The following UBIAD1 variants were observed in gnomAD, a reference collection of about 807,000 sequenced individuals.
UBIAD1 encodes UbiA prenyltransferase domain containing 1, also known as ubiA prenyltransferase domain-containing protein 1.
Under a neutral mutation model 20.1 loss-of-function variants are expected in UBIAD1, and 12 were observed. The observed-to-expected ratio is 0.60, with a 90% CI of 0.38 to 0.97. The LOEUF is 0.97. Ranked by LOEUF, UBIAD1 falls within the 50% of genes least tolerant of loss-of-function variation. UBIAD1 has a pLI of 0.00. For missense variants in UBIAD1, 333 were observed against 419.5 expected (o/e 0.79, Z 1.80); for synonymous variants, 207 against 189.2 (o/e 1.09, Z -0.77).
At chr1:11,295,037 A>G in exon 2 of UBIAD1, 1 of 693,214 alleles carries the variant, frequency 1.4e-6, no homozygotes, top group Non-Finnish European at 2.7e-6. Context: ...GGTGGGCAGC[A>G]TCTGGAGCTG....
downstream of UBIAD1, among the ~76,000 whole-genome samples, chr1:11,297,928 GTTACTA>G (rs943504868): frequency 2.3e-4 from 35 of 151,890 alleles, no homozygotes; most frequent in African/African-American, 7.5e-4. Context: ...TACCAGAGTT[GTTACTA>G]TTACTTTTAC....
chr1:11,273,849 C>T lies in UBIAD1; in HGVS notation c.318C>T (p.Asp106=), dbSNP rs889579693. The T allele has an allele frequency of 6.2e-7, 1 of 1,614,192 alleles. No individual in the cohort carries two copies. Among genetic ancestry groups the T allele is most frequent in the Non-Finnish European group, 8.5e-7 (1 of 1,180,034 alleles). The change falls in exon 1 of 2, where the codon GAC becomes GAT. Residue 106 remains aspartate, a synonymous_variant. Transcript: ENST00000376810. This position sits in a 1 kb window ranked among gnomAD's most constrained non-coding sequence, Gnocchi z 4.9. Reference sequence around the variant, plus strand: ...GTAATTTGGTCAACACTTACTATGACTTTTCCAAGGGCATTGACCACAAAA... The same window carrying T: ...GTAATTTGGTCAACACTTACTATGATTTTTCCAAGGGCATTGACCACAAAA... ...GAGNLVNTYY[D]FSKGIDHKKS... is the part of the protein sequence containing the mutation.
At chr1:11,282,444 C>T (rs2101020455) in intron 1 of UBIAD1, among the ~76,000 whole-genome samples, 1 of 152,236 alleles carries the variant, frequency 6.6e-6, no homozygotes, top group Non-Finnish European at 1.5e-5. Flanking sequence ...GCTTTCTCCC[C>T]AAGGGCTCTA....
downstream of UBIAD1, chr1:11,295,796 C>G (rs1378923193): frequency 2.0e-5 from 3 of 152,310 alleles, no homozygotes; most frequent in Non-Finnish European, 4.4e-5. Context: ...AGAGCCTGCT[C>G]TGTCCCAGGA....
intron 1 of UBIAD1, among the ~76,000 whole-genome samples, chr1:11,294,066 G>T (rs1218134944): frequency 1.3e-5 from 2 of 152,206 alleles, no homozygotes; most frequent in Non-Finnish European, 2.9e-5. Flanking sequence ...ACTGGCCGAG[G>T]GAATGGCAGT....
intron 1 of UBIAD1, chr1:11,278,791 A>C (rs1652146187): frequency 4.0e-6 from 2 of 495,648 alleles, no homozygotes; most frequent in South Asian, 7.9e-5. Flanking sequence ...CATTCATATT[A>C]ATTCTTGTTA....
downstream of UBIAD1, chr1:11,295,183 G>C: frequency 2.2e-6 from 1 of 450,958 alleles, no homozygotes; most frequent in Non-Finnish European, 4.0e-6. Context: ...AGATGGGGCT[G>C]CTGGGTATCA....
At chr1:11,294,233 G>A (rs1399352925) in intron 1 of UBIAD1, among the ~76,000 whole-genome samples, 3 of 152,184 alleles carry the variant, frequency 2.0e-5, no homozygotes, top group African/African-American at 4.8e-5. Context: ...TATTAAACTT[G>A]TCTAGGGTCA....
At chr1:11,289,766 T>C (rs1638334811), downstream of UBIAD1, among the ~76,000 whole-genome samples, 1 of 152,100 alleles carries the variant, frequency 6.6e-6, no homozygotes, top group South Asian at 2.1e-4. Context: ...TATCTCACTC[T>C]GTCGCACGGG....
At chr1:11,290,471 G>A (rs1027363674), downstream of UBIAD1, among the ~76,000 whole-genome samples, 2 of 152,104 alleles carry the variant, frequency 1.3e-5, no homozygotes, top group African/African-American at 4.8e-5. Context: ...TCACATTTCT[G>A]CCCAGTCTTG....
At chr1:11,291,651 A>G (rs886715346), downstream of UBIAD1, among the ~76,000 whole-genome samples, 11 of 152,012 alleles carry the variant, frequency 7.2e-5, no homozygotes, top group Admixed American at 3.9e-4. Context: ...TGAAAAGACA[A>G]TTACAGGAGC....
At chr1:11,284,855 T>G (rs1638225583) in intron 1 of UBIAD1, among the ~76,000 whole-genome samples, 1 of 152,074 alleles carries the variant, frequency 6.6e-6, no homozygotes, top group African/African-American at 2.4e-5. Flanking sequence ...GAGGGGAAGC[T>G]GATAGACCAG....
chr1:11,285,504 A>T lies in UBIAD1; in HGVS notation c.530-140A>T. The T allele has an allele frequency of 7.8e-7, 1 of 1,290,254 alleles. No individual in the cohort carries two copies. Among genetic ancestry groups the T allele is most frequent in the Admixed American group, 1.9e-5 (1 of 51,956 alleles). The allele number at this position is 1,290,254 out of a possible 1,614,324, so 79.9% of individuals were successfully genotyped here. ...AAATCAGAATTTGCTCTGTGGGGTT[A>T]AGGGATGAAATGAGTGCCCACCTGC... On this transcript the variant is annotated intron_variant, in intron 1 of 1. Coordinates refer to ENST00000376810, the MANE Select transcript of UBIAD1 (RefSeq NM_013319.3). The surrounding 1 kb of genome is among the most constrained non-coding windows in gnomAD (Gnocchi z 4.4).
At position 11,288,252 on chromosome 1, in the gene UBIAD1, T is replaced by A. The variant is rs1373958164; in HGVS notation, c.*2121T>A. 6.6e-6 allele frequency: 1 copy of A among 152,244 alleles called. No homozygotes were observed. The highest frequency in any genetic ancestry group is 1.5e-5 in the Non-Finnish European group (1 of 68,058). The allele number at this position is 152,244 out of a possible 1,614,324, so 9.4% of individuals were successfully genotyped here. On this transcript the variant is annotated 3_prime_UTR_variant, in exon 2 of 2. Transcript: ENST00000376810. ...CCTTGGTGGTCACTCCCATCGGGGC[T>A]ATCAGTTCTGCACTGTGCCCTGGTG...
intron 1 of UBIAD1, among the ~76,000 whole-genome samples, chr1:11,283,703 G>A (rs1652319127): frequency 6.6e-6 from 1 of 152,060 alleles, no homozygotes; most frequent in South Asian, 2.1e-4. Context: ...GGTGAACTTG[G>A]ACTGGATCTT....
downstream of UBIAD1, among the ~76,000 whole-genome samples, chr1:11,299,502 G>T (rs1407183895): frequency 1.3e-5 from 2 of 152,176 alleles, no homozygotes; most frequent in African/African-American, 4.8e-5. Context: ...TTTTGAAGGG[G>T]GGAGCAAAGC....
In UBIAD1 at chr1:11,273,959, G is replaced by T; in HGVS notation, c.428G>T (p.Cys143Phe). The T allele has an allele frequency of 1.2e-6, 2 of 1,614,218 alleles. No homozygotes were observed. The highest frequency in any genetic ancestry group is 1.7e-6 in the Non-Finnish European group (2 of 1,180,044). Residue 143 changes from cysteine (C) to phenylalanine (F), a missense_variant, in exon 1 of 2, where the codon TGC becomes TTC. Around this residue, in one of 3 missense-constraint regions of UBIAD1, gnomAD observed 226 missense variants for 263.5 expected, o/e 0.86. Coordinates refer to ENST00000376810, the MANE Select transcript of UBIAD1 (RefSeq NM_013319.3). The surrounding 1 kb of genome is among the most constrained non-coding windows in gnomAD (Gnocchi z 4.9). ...GGAGTCTTCCTCTACACGTTGGGCTGCGTCTGTGCCGCTTGCCTCTACTAC... is the reference window on the plus strand; with the variant it reads ...GGAGTCTTCCTCTACACGTTGGGCTTCGTCTGTGCCGCTTGCCTCTACTAC... ...RFGVFLYTLG[C>F]VCAACLYYLS...
At chr1:11,296,624 A>G (rs1349516023), downstream of UBIAD1, among the ~76,000 whole-genome samples, 2 of 152,006 alleles carry the variant, frequency 1.3e-5, no homozygotes, top group Non-Finnish European at 2.9e-5. Context: ...GGCTCAGGTG[A>G]TCTTCCCACC....
intron 1 of UBIAD1, among the ~76,000 whole-genome samples, chr1:11,280,702 C>T (rs576720800): frequency 2.6e-5 from 4 of 152,328 alleles, no homozygotes; most frequent in Admixed American, 2.6e-4. Flanking sequence ...ATTCTGTTGA[C>T]TCTCCTTTCA....
Sources: gnomAD v4.1 joint callset for allele counts (sites outside exome capture counted in the v4.1 genomes callset) on GRCh38, gnomAD v4.1.1 for gene constraint, gnomAD v4.1.1 regional missense constraint, Gnocchi (gnomAD v3.1) non-coding constraint, MANE v1.5 for transcripts, NCBI Gene and HGNC (gene_info 2026-07-23, HGNC 2026-07-21) for gene names.